SNTB1: variants seen among roughly 807,000 people sequenced by gnomAD.
SNTB1 encodes beta-1-syntrophin.
In SNTB1, 36 loss-of-function variants were observed where a neutral mutation model predicts 48.9. The observed-to-expected ratio is 0.74, with a 90% CI of 0.56 to 0.97. SNTB1 has a LOEUF of 0.97. Ranked by LOEUF, SNTB1 falls within the 50% of genes least tolerant of loss-of-function variation. The probability of loss-of-function intolerance (pLI) is 0.00; values close to 1 mark genes in which losing one functional copy is unlikely to be tolerated. For missense variants in SNTB1, 786 were observed against 703.4 expected (o/e 1.12, Z -1.33); for synonymous variants, 299 against 294.6 (o/e 1.01, Z -0.15).
intron 2 of SNTB1, among the ~76,000 whole-genome samples, chr8:120,671,627 A>G (rs1005518426): frequency 4.4e-4 from 67 of 152,330 alleles, no homozygotes; most frequent in Middle Eastern, 3.4e-3. Context: ...TGGCCCTACC[A>G]ATGCCTTGAT....
intron 1 of SNTB1, among the ~76,000 whole-genome samples, chr8:120,783,224 G>T (rs1235053823): frequency 6.6e-6 from 1 of 151,930 alleles, no homozygotes; most frequent in African/African-American, 2.4e-5. Context: ...ACTCTCAGTT[G>T]GTTGGTTTTC....
intron 1 of SNTB1, among the ~76,000 whole-genome samples, chr8:120,787,526 T>C (rs1219588607): frequency 1.3e-5 from 2 of 152,086 alleles, no homozygotes; most frequent in African/African-American, 2.4e-5. Flanking sequence ...AAGAGGTACA[T>C]ATTTTAAAGA....
At chr8:120,594,777 C>T (rs1816296774) in intron 3 of SNTB1, among the ~76,000 whole-genome samples, 1 of 151,986 alleles carries the variant, frequency 6.6e-6, no homozygotes, top group African/African-American at 2.4e-5. Context: ...TATGTCTGCC[C>T]TTTCTATAGC....
intron 4 of SNTB1, among the ~76,000 whole-genome samples, chr8:120,569,614 A>C (rs1010663475): frequency 1.3e-5 from 2 of 152,198 alleles, no homozygotes; most frequent in Non-Finnish European, 2.9e-5. Flanking sequence ...GGACTGCTGT[A>C]GGAATGTACA....
chr8:120,654,580 A>G (rs1447170016), intron 2 of SNTB1, among the ~76,000 whole-genome samples: 1 of 152,160 alleles, frequency 6.6e-6, no homozygotes, highest in East Asian at 1.9e-4. Context: ...CCCAACCCCA[A>G]GGAATTATAC....
At chr8:120,793,210 T>C (rs1173449879) in intron 1 of SNTB1, among the ~76,000 whole-genome samples, 1 of 151,950 alleles carries the variant, frequency 6.6e-6, no homozygotes, top group African/African-American at 2.4e-5. Context: ...TGTGCCTTAT[T>C]TGGCATAAGG....
chr8:120,672,729 C>T (rs1055992814), intron 2 of SNTB1, among the ~76,000 whole-genome samples: 3 of 152,180 alleles, frequency 2.0e-5, no homozygotes, highest in Admixed American at 6.5e-5. Flanking sequence ...TTATTGAGAA[C>T]GTATTGTGTA....
rs1032438165 is a variant in SNTB1 at position 120,713,135 on chromosome 8, T to C, written c.572-19227A>G. On this transcript the variant is annotated intron_variant, in intron 1 of 6. Transcript: ENST00000517992. ...GATCATCTGGGTTGAGGTTCAGTTCTCTTTCAGCTGCATGAGAATGGACAA... is the reference window on the plus strand; with the variant it reads ...GATCATCTGGGTTGAGGTTCAGTTCCCTTTCAGCTGCATGAGAATGGACAA... 3.9e-5 allele frequency among the ~76,000 whole-genome samples: 6 copies of C among 152,182 alleles called. No homozygotes were observed. The East Asian group carries it at 1.2e-3, about 29-fold the overall frequency.
chr8:120,736,214 C>T (rs1489730830), intron 1 of SNTB1, among the ~76,000 whole-genome samples: 2 of 152,154 alleles, frequency 1.3e-5, no homozygotes, highest in East Asian at 3.9e-4. Flanking sequence ...TCAATTACCC[C>T]TACCTTGCCT....
At chr8:120,779,585 G>T (rs536568657) in intron 1 of SNTB1, among the ~76,000 whole-genome samples, 88 of 152,314 alleles carry the variant, frequency 5.8e-4, no homozygotes, top group African/African-American at 2.1e-3. Context: ...AACTGTAGAA[G>T]ATATTGCTGT....
At chr8:120,712,622 G>A (rs1818483405) in intron 1 of SNTB1, among the ~76,000 whole-genome samples, 1 of 152,062 alleles carries the variant, frequency 6.6e-6, no homozygotes, top group Non-Finnish European at 1.5e-5. Context: ...AGACGAAAAT[G>A]TCACATTGTA....
At chr8:120,654,039 C>CAAAGAA (rs1817456122) in intron 2 of SNTB1, among the ~76,000 whole-genome samples, 1 of 25,160 alleles carries the variant, frequency 4.0e-5, no homozygotes, top group South Asian at 2.9e-3. Context: ...GACTCTGCCT[C>CAAAGAA]AAAAAAAAAA....
At chr8:120,586,433 C>A (rs1454441948) in intron 3 of SNTB1, among the ~76,000 whole-genome samples, 1 of 152,170 alleles carries the variant, frequency 6.6e-6, no homozygotes, top group African/African-American at 2.4e-5. Flanking sequence ...CTCTTCCTTG[C>A]CTTTTCCTGC....
At chr8:120,761,627 T>C (rs185508585) in intron 1 of SNTB1, among the ~76,000 whole-genome samples, 7 of 152,312 alleles carry the variant, frequency 4.6e-5, no homozygotes, top group South Asian at 4.1e-4. Flanking sequence ...TTGGAACACA[T>C]TGTATTACCC....
intron 5 of SNTB1, 88 bp downstream of exon 5, chr8:120,548,674 G>T: frequency 8.5e-7 from 1 of 1,178,204 alleles, no homozygotes; most frequent in Non-Finnish European, 1.2e-6. Context: ...CCAGAGGCCA[G>T]TGATGAAAAC....
intron 1 of SNTB1, among the ~76,000 whole-genome samples, chr8:120,760,926 CAA>C (rs1342444713): frequency 2.0e-5 from 3 of 151,952 alleles, no homozygotes; most frequent in Admixed American, 2.0e-4. Flanking sequence ...ATACCGTAAA[CAA>C]AGTCAAAAGA....
At chr8:120,603,646 C>A (rs564876025) in intron 3 of SNTB1, among the ~76,000 whole-genome samples, 1 of 152,092 alleles carries the variant, frequency 6.6e-6, no homozygotes, top group Non-Finnish European at 1.5e-5. Flanking sequence ...CTGATGCATG[C>A]GAAAGTTGAA....
intron 1 of SNTB1, among the ~76,000 whole-genome samples, chr8:120,718,745 C>G (rs757933673): frequency 3.3e-5 from 5 of 151,740 alleles, no homozygotes; most frequent in Non-Finnish European, 7.4e-5. Flanking sequence ...GCTACTGAAC[C>G]AAACAAAAAG....
intron 1 of SNTB1, among the ~76,000 whole-genome samples, chr8:120,805,295 CA>C (rs1428152697): frequency 6.6e-6 from 1 of 151,966 alleles, no homozygotes; most frequent in African/African-American, 2.4e-5. Flanking sequence ...ACTTACGTGG[CA>C]AAGGGGAATT....
Sources: allele counts gnomAD v4.1 joint callset (sites outside exome capture counted in the v4.1 genomes callset), GRCh38; gene constraint gnomAD v4.1.1; transcripts MANE v1.5; gene names NCBI Gene and HGNC (gene_info 2026-07-23, HGNC 2026-07-21).